Variants in PUS7L observed in about 807,000 individuals in gnomAD.
The protein encoded by PUS7L is pseudouridine synthase 7 like.
Under a neutral mutation model 51.1 loss-of-function variants are expected in PUS7L, and 49 were observed. The ratio of observed to expected loss-of-function variants is 0.96; its 90% CI spans 0.76 to 1.22. The LOEUF (loss-of-function observed/expected upper bound fraction) is 1.22, where lower values mean the gene tolerates loss of function less well. Ranked by LOEUF, PUS7L falls within the 50% of genes most tolerant of loss-of-function variation. The pLI is 0.00. For missense variants in PUS7L, 828 were observed against 820.6 expected, an observed-to-expected ratio of 1.01 and a Z score of -0.11; for synonymous variants, 277 against 276.2, an observed-to-expected ratio of 1.00 and a Z score of -0.03.
rs1944415718 is a variant in PUS7L, at chr12:43,723,068, A to G, written c.*7308T>C. On this transcript the variant is annotated 3_prime_UTR_variant, in exon 9 of 9. Transcript: ENST00000344862. ...AGTTGAGTTTCTAACAAAAAAGACA[A>G]TTTAATATATCTTATATTTTGTAAT... 2 of 152,116 alleles carry G rather than the reference A, an allele frequency of 1.3e-5. No homozygotes were observed. Among genetic ancestry groups the G allele is most frequent in the Admixed American group, 1.3e-4 (2 of 15,270 alleles). The allele number at this position is 152,116 out of a possible 1,614,324, so 9.4% of individuals were successfully genotyped here.
At chr12:43,735,332 T>G (rs902719883) in intron 7 of PUS7L, among the ~76,000 whole-genome samples, 4 of 147,240 alleles carry the variant, frequency 2.7e-5, no homozygotes, top group East Asian at 2.0e-4. Context: ...AATAAAAAAA[T>G]AAAAAATAAA....
At position 43,729,651 on chromosome 12, in the gene PUS7L, C is replaced by G. The variant is rs748610200; in HGVS notation, c.*725G>C. 6.5e-6 allele frequency: 1 copy of G among 154,644 alleles called. No individual in the cohort carries two copies. The highest frequency in any genetic ancestry group is 1.4e-5 in the Non-Finnish European group (1 of 69,854). 9.6% of individuals were successfully genotyped at this position (154,644 alleles called of 1,614,324 possible). A position where few individuals can be genotyped will look rare whatever the true frequency, so the allele number is the denominator to read the frequency against. Reference sequence around the variant, plus strand: ...CAGTAACCACACACAAAAAAATCAACAACATACTCAAAATCACTAGTAAGT... The same window carrying G: ...CAGTAACCACACACAAAAAAATCAAGAACATACTCAAAATCACTAGTAAGT... On this transcript the variant is annotated 3_prime_UTR_variant, in exon 9 of 9. Coordinates refer to ENST00000344862, the MANE Select transcript of PUS7L (RefSeq NM_031292.5).
intron 6 of PUS7L, among the ~76,000 whole-genome samples, chr12:43,736,927 A>C (rs1458263202): frequency 6.6e-6 from 1 of 152,202 alleles, no homozygotes; most frequent in Non-Finnish European, 1.5e-5. Flanking sequence ...CTTACTTCAG[A>C]ATAGAGATAA....
Position 43,744,676 on chromosome 12 carries a change from T to C in PUS7L, c.1263+1370A>G, listed in dbSNP as rs575533449. On this transcript the variant is annotated intron_variant, in intron 4 of 8. Coordinates refer to ENST00000344862, the MANE Select transcript of PUS7L (RefSeq NM_031292.5). ...AGTGCTGGATTTAAAAGATCTTTAG[T>C]TGGAAGATATTTTCCTAACTACAAG... 3.9e-5 allele frequency among the ~76,000 whole-genome samples: 6 copies of C among 152,360 alleles called. No homozygotes were observed. In the South Asian group the frequency reaches 8.3e-4, roughly 21 times the overall value.
intron 4 of PUS7L, 113 bp downstream of exon 4, chr12:43,745,933 T>TA (rs1565638868): frequency 1.8e-6 from 1 of 549,612 alleles, no homozygotes; most frequent in Non-Finnish European, 3.2e-6. Context: ...TAATCACTTT[T>TA]AAAAATCCCA....
chr12:43,744,323 T>C (rs901059638), intron 4 of PUS7L, among the ~76,000 whole-genome samples: 92 of 152,290 alleles, frequency 6.0e-4, no homozygotes, highest in Non-Finnish European at 3.1e-4. Context: ...TGGGAAGTAA[T>C]TGAATTATGG....
intron 6 of PUS7L, 174 bp downstream of exon 6, chr12:43,738,136 G>A: frequency 1.9e-6 from 1 of 520,678 alleles, no homozygotes; most frequent in Non-Finnish European, 3.4e-6. Context: ...TTCCAAATCT[G>A]ACCAAAAACG....
At position 43,757,257 on chromosome 12, in the gene PUS7L, G is replaced by A. The variant is rs577301794; in HGVS notation, c.-17+1473C>T. ...ATGATCTCGGCTCACTGCAACCTCCGCCTCCCGAGTTCGAGCGATTCTCCT... is the reference window on the plus strand; with the variant it reads ...ATGATCTCGGCTCACTGCAACCTCCACCTCCCGAGTTCGAGCGATTCTCCT... On this transcript the variant is annotated intron_variant, in intron 1 of 8. Transcript: ENST00000344862. 1.2e-4 allele frequency among the ~76,000 whole-genome samples: 19 copies of A among 152,122 alleles called. No individual in the cohort carries two copies. The South Asian group carries it at 1.9e-3, about 15-fold the overall frequency.
chr12:43,734,589 T>C (rs965814957), intron 7 of PUS7L, among the ~76,000 whole-genome samples: 23 of 152,310 alleles, frequency 1.5e-4, no homozygotes, highest in Admixed American at 9.2e-4. Flanking sequence ...GAGTTCAGAG[T>C]CTGTTTTACC....
At chr12:43,735,195 T>C (rs990676093) in intron 7 of PUS7L, among the ~76,000 whole-genome samples, 9 of 151,900 alleles carry the variant, frequency 5.9e-5, no homozygotes, top group Non-Finnish European at 1.0e-4. Flanking sequence ...CAGGCATCTG[T>C]AGTCCCAGCT....
Position 43,723,538 on chromosome 12 carries a change from C to T in PUS7L, c.*6838G>A, listed in dbSNP as rs1944421059. Reference sequence around the variant, plus strand: ...AAGATGCTGCTTGTTTTTCTCTTTACCATTTAGTCTGCATATTCCACTTGC... The same window carrying T: ...AAGATGCTGCTTGTTTTTCTCTTTATCATTTAGTCTGCATATTCCACTTGC... On this transcript the variant is annotated 3_prime_UTR_variant, in exon 9 of 9. Transcript: ENST00000344862. 1 of 152,042 alleles carries T rather than the reference C, an allele frequency of 6.6e-6. No homozygotes were observed. Among genetic ancestry groups the T allele is most frequent in the Non-Finnish European group, 1.5e-5 (1 of 67,940 alleles). 9.4% of individuals were successfully genotyped at this position (152,042 alleles called of 1,614,324 possible). A position where few individuals can be genotyped will look rare whatever the true frequency, so the allele number is the denominator to read the frequency against.
intron 1 of PUS7L, chr12:43,758,383 T>G (rs1938959829): frequency 1.0e-6 from 1 of 985,510 alleles, no homozygotes; most frequent in South Asian, 4.7e-5. Flanking sequence ...GGGAGTAGTT[T>G]GCTTGGCCCG....
chr12:43,757,380 C>T (rs529926482), intron 1 of PUS7L, among the ~76,000 whole-genome samples: 31 of 152,250 alleles, frequency 2.0e-4, no homozygotes, highest in Non-Finnish European at 3.7e-4. Context: ...ACCATATTGG[C>T]CAGGGTGGTC....
chr12:43,757,088 C>T (rs1326598664), intron 1 of PUS7L, among the ~76,000 whole-genome samples: 1 of 152,174 alleles, frequency 6.6e-6, no homozygotes, highest in Non-Finnish European at 1.5e-5. Context: ...AAATTGTTCC[C>T]TCCCCAATCA....
chr12:43,753,982 T>C (rs1938573702), intron 2 of PUS7L, among the ~76,000 whole-genome samples: 1 of 152,174 alleles, frequency 6.6e-6, no homozygotes, highest in African/African-American at 2.4e-5. Context: ...TTAATTTTAA[T>C]TGAGATGACT....
At position 43,742,549 on chromosome 12, in the gene PUS7L, CT is replaced by C. The variant is rs1937953104; in HGVS notation, c.1269del (p.Gly424AlafsTer3). 2.5e-6 allele frequency: 4 copies of C among 1,596,568 alleles called. No individual in the cohort carries two copies. The highest frequency in any genetic ancestry group is 1.8e-5 in the Admixed American group (1 of 55,004). On this transcript the variant is annotated frameshift_variant, in exon 5 of 9. Transcript: ENST00000344862. LOFTEE classifies it high-confidence loss of function. ...TGTGGTCCATAGTAATTCACAAAGC[CT>C]TTTTTCTATGTATACAAAATAATCA... ...IMEAIENVKK[K>X]GFVNYYGPQR... is the part of the protein sequence containing the mutation.
chr12:43,732,107 A>T (rs182438439), intron 7 of PUS7L, among the ~76,000 whole-genome samples: 684 of 152,112 alleles, frequency 4.5e-3, no homozygotes, highest in Non-Finnish European at 5.7e-3. Context: ...ATATCAACCC[A>T]CTACCCACCC....
At position 43,738,908 on chromosome 12, in the gene PUS7L, T is replaced by TA. The variant is rs878876866; in HGVS notation, c.1363-518dup. ...AGTGAAAACTGAGCCCCTTCTGGCCTAAAAATAAATATTAAATAGTTCTTT... is the reference window on the plus strand; with the variant it reads ...AGTGAAAACTGAGCCCCTTCTGGCCTAAAAAATAAATATTAAATAGTTCTTT... On this transcript the variant is annotated intron_variant, in intron 5 of 8. Transcript: ENST00000344862. 3.1e-5 allele frequency: 7 copies of TA among 225,192 alleles called. No homozygotes were observed. In the South Asian group the frequency reaches 3.1e-4, roughly 10 times the overall value. 13.9% of individuals were successfully genotyped at this position (225,192 alleles called of 1,614,324 possible).
intron 5 of PUS7L, among the ~76,000 whole-genome samples, chr12:43,740,585 G>T (rs1461115659): frequency 2.0e-5 from 3 of 152,160 alleles, no homozygotes; most frequent in Non-Finnish European, 4.4e-5. Flanking sequence ...TGGGGAGGGG[G>T]TGCTTCAGGC....
Sources: allele counts gnomAD v4.1 joint callset (sites outside exome capture counted in the v4.1 genomes callset), GRCh38; gene constraint gnomAD v4.1.1; transcripts MANE v1.5; gene names NCBI Gene and HGNC (gene_info 2026-07-23, HGNC 2026-07-21).